ERC2: variants seen among roughly 807,000 people sequenced by gnomAD.
ERC2 encodes the protein ERC protein 2.
A neutral mutation model predicts 114.8 loss-of-function variants in ERC2; 42 were observed. The observed-to-expected ratio is 0.37, with a 90% confidence interval of 0.29 to 0.47. The LOEUF (loss-of-function observed/expected upper bound fraction) is 0.47, where lower values mean the gene tolerates loss of function less well. ERC2 is among the 20% of genes least tolerant of loss of function. The probability of loss-of-function intolerance (pLI) is 0.99; values close to 1 mark genes in which losing one functional copy is unlikely to be tolerated. For synonymous variants in ERC2, 454 were observed against 425.5 expected (o/e 1.07, Z -0.82); for missense variants, 939 against 1,150.7 (o/e 0.82, Z 2.66).
intron 3 of ERC2, among the ~76,000 whole-genome samples, chr3:56,253,346 A>T (rs1253593247): frequency 6.6e-6 from 1 of 152,216 alleles, no homozygotes; most frequent in African/African-American, 2.4e-5. Flanking sequence ...CTCTTATTTA[A>T]AAAAGTTTTA....
chr3:55,826,529 C>G (rs150242796), intron 14 of ERC2, among the ~76,000 whole-genome samples: 4 of 152,314 alleles, frequency 2.6e-5, no homozygotes, highest in African/African-American at 9.6e-5. Flanking sequence ...GAGGTTAAAA[C>G]GTGAACTAGT....
At chr3:55,553,649 G>T (rs980600012) in intron 17 of ERC2, among the ~76,000 whole-genome samples, 1 of 151,968 alleles carries the variant, frequency 6.6e-6, no homozygotes, top group Non-Finnish European at 1.5e-5. Flanking sequence ...GCGTAGTGGC[G>T]GGCACCGGTA....
chr3:56,249,419 G>A (rs553081662), intron 3 of ERC2, among the ~76,000 whole-genome samples: 6 of 151,878 alleles, frequency 4.0e-5, no homozygotes, highest in Non-Finnish European at 5.9e-5. Flanking sequence ...TCCGCCTCCC[G>A]GGTTCACGCC....
intron 2 of ERC2, among the ~76,000 whole-genome samples, chr3:56,365,250 T>C (rs1177660222): frequency 6.6e-6 from 1 of 152,242 alleles, no homozygotes; most frequent in Non-Finnish European, 1.5e-5. Context: ...TTATAGACTG[T>C]ATTTTTCCTA....
chr3:56,135,612 C>T (rs988364728), intron 6 of ERC2, among the ~76,000 whole-genome samples: 2 of 152,150 alleles, frequency 1.3e-5, no homozygotes, highest in East Asian at 1.9e-4. Context: ...ACAATGACTG[C>T]CATTTCATAG....
intron 3 of ERC2, among the ~76,000 whole-genome samples, chr3:56,186,997 G>A (rs1223809155): frequency 6.6e-6 from 1 of 152,194 alleles, no homozygotes; most frequent in African/African-American, 2.4e-5. Flanking sequence ...GGCTCTTCAG[G>A]AAAGCTTTAA....
chr3:55,766,935 C>T (rs1488310160), intron 14 of ERC2: 1 of 152,224 alleles, frequency 6.6e-6, no homozygotes, highest in Non-Finnish European at 1.5e-5. Context: ...GTTTATCTTC[C>T]CTCTTATCAT....
intron 14 of ERC2, among the ~76,000 whole-genome samples, chr3:55,857,743 T>C (rs1485094718): frequency 1.3e-5 from 2 of 152,148 alleles, no homozygotes; most frequent in Non-Finnish European, 2.9e-5. Flanking sequence ...CTGGGTATGG[T>C]GGAAAAAGAG....
chr3:55,595,230 C>A (rs576651607), intron 17 of ERC2, among the ~76,000 whole-genome samples: 16 of 152,192 alleles, frequency 1.1e-4, no homozygotes, highest in Non-Finnish European at 2.1e-4. Context: ...ATCAAGATAT[C>A]TGTTTAAATG....
At chr3:55,991,334 T>C (rs573024846) in intron 11 of ERC2, among the ~76,000 whole-genome samples, 22 of 152,344 alleles carry the variant, frequency 1.4e-4, no homozygotes, top group African/African-American at 5.3e-4. Context: ...TATGGAGTTA[T>C]GTAGGATTTT....
chr3:55,944,201 T>G (rs552717771), intron 13 of ERC2, among the ~76,000 whole-genome samples: 53 of 152,366 alleles, frequency 3.5e-4, no homozygotes, highest in African/African-American at 1.2e-3. Flanking sequence ...AGAAATATGT[T>G]GCGTTTCATT....
At chr3:55,775,108 G>A (rs943349018) in intron 14 of ERC2, among the ~76,000 whole-genome samples, 1 of 152,172 alleles carries the variant, frequency 6.6e-6, no homozygotes, top group Non-Finnish European at 1.5e-5. Flanking sequence ...ATGTCCTCCT[G>A]CCTTTAATCT....
At chr3:56,075,730 G>A (rs2149742561) in intron 7 of ERC2, among the ~76,000 whole-genome samples, 1 of 152,256 alleles carries the variant, frequency 6.6e-6, no homozygotes, top group Admixed American at 6.5e-5. Context: ...CTCAGTAAAT[G>A]TGAAATGAAT....
At chr3:56,228,766 T>C (rs1471225387) in intron 3 of ERC2, among the ~76,000 whole-genome samples, 2 of 152,200 alleles carry the variant, frequency 1.3e-5, no homozygotes, top group African/African-American at 4.8e-5. Flanking sequence ...AAGATGTGTA[T>C]ACTTTACTGA....
chr3:55,896,075 G>A (rs889088067), intron 13 of ERC2, among the ~76,000 whole-genome samples: 5 of 152,140 alleles, frequency 3.3e-5, no homozygotes, highest in Admixed American at 3.3e-4. Flanking sequence ...GTCCTGCTAT[G>A]CATTCCACAT....
At chr3:56,003,684 T>A (rs2072253179) in intron 10 of ERC2, among the ~76,000 whole-genome samples, 2 of 152,050 alleles carry the variant, frequency 1.3e-5, no homozygotes, top group African/African-American at 2.4e-5. Context: ...TTAACTTAAA[T>A]GGGAAAAGAA....
At chr3:56,145,452 C>T (rs563684850) in intron 5 of ERC2, among the ~76,000 whole-genome samples, 10 of 152,258 alleles carry the variant, frequency 6.6e-5, no homozygotes, top group African/African-American at 1.9e-4. Flanking sequence ...TTCCATTCTC[C>T]GAGGTTTAAT....
At chr3:55,948,256 T>C (rs1053270434) in intron 13 of ERC2, among the ~76,000 whole-genome samples, 6 of 152,224 alleles carry the variant, frequency 3.9e-5, no homozygotes, top group Non-Finnish European at 8.8e-5. Context: ...GTTGAAATCA[T>C]GAAGCCAGTG....
intron 7 of ERC2, among the ~76,000 whole-genome samples, chr3:56,075,218 G>C (rs1388942889): frequency 6.6e-6 from 1 of 152,116 alleles, no homozygotes; most frequent in Non-Finnish European, 1.5e-5. Context: ...ATAAAGGCAG[G>C]GTCTGATTAG....
Sources: gnomAD v4.1 joint callset for allele counts (sites outside exome capture counted in the v4.1 genomes callset) on GRCh38, gnomAD v4.1.1 for gene constraint, MANE v1.5 for transcripts, NCBI Gene and HGNC (gene_info 2026-07-23, HGNC 2026-07-21) for gene names.